CTNNA2: variants seen among roughly 807,000 people sequenced by gnomAD.
The protein encoded by CTNNA2 is catenin alpha 2.
A neutral mutation model predicts 101.0 loss-of-function variants in CTNNA2; 42 were observed. The observed-to-expected ratio is 0.42, with a 90% confidence interval of 0.32 to 0.54. The LOEUF (loss-of-function observed/expected upper bound fraction) is 0.54. Ranked by LOEUF, CTNNA2 falls within the 20% of genes least tolerant of loss-of-function variation. The pLI is 0.14. For synonymous variants in CTNNA2, 450 were observed against 456.4 expected (o/e 0.99, Z 0.18); for missense variants, 871 against 1,223.1 (o/e 0.71, Z 4.29).
intron 3 of CTNNA2, among the ~76,000 whole-genome samples, chr2:79,803,286 TAC>T (rs1402895862): frequency 6.6e-6 from 1 of 152,326 alleles, no homozygotes; most frequent in East Asian, 1.9e-4. Flanking sequence ...GGAATTAAGA[TAC>T]ACACACAGAA....
chr2:80,627,427 T>C (rs1671798593), intron 18 of CTNNA2, among the ~76,000 whole-genome samples: 1 of 152,202 alleles, frequency 6.6e-6, no homozygotes, highest in Admixed American at 6.5e-5. Flanking sequence ...TGTGAGATGG[T>C]ATCTCATTGT....
intron 4 of CTNNA2, among the ~76,000 whole-genome samples, chr2:79,423,258 A>G (rs1159698516): frequency 6.6e-6 from 1 of 152,174 alleles, no homozygotes; most frequent in Non-Finnish European, 1.5e-5. Context: ...AGATGAGTCC[A>G]ACCTTCCATC....
At chr2:79,990,053 A>C (rs1174058799) in intron 7 of CTNNA2, among the ~76,000 whole-genome samples, 1 of 152,150 alleles carries the variant, frequency 6.6e-6, no homozygotes, top group Non-Finnish European at 1.5e-5. Context: ...TGTGGGAAGA[A>C]ACAAAGAGTG....
chr2:79,534,531 G>T (rs1672937796), intron 1 of CTNNA2, among the ~76,000 whole-genome samples: 1 of 151,076 alleles, frequency 6.6e-6, no homozygotes, highest in South Asian at 2.1e-4. Context: ...CTTGTGAACA[G>T]TTTTTTTTTC....
intron 2 of CTNNA2, among the ~76,000 whole-genome samples, chr2:79,291,417 T>C (rs1385495510): frequency 6.6e-6 from 1 of 152,126 alleles, no homozygotes; most frequent in African/African-American, 2.4e-5. Flanking sequence ...TTATTTCTTA[T>C]CTCCTTCCTC....
At chr2:79,230,003 G>T (rs1674469134) in intron 2 of CTNNA2, among the ~76,000 whole-genome samples, 1 of 152,200 alleles carries the variant, frequency 6.6e-6, no homozygotes, top group Admixed American at 6.5e-5. Flanking sequence ...TGTAATTTGG[G>T]TGCTGTTAAA....
chr2:79,671,031 C>A lies in CTNNA2; in HGVS notation c.102+19373C>A, dbSNP rs79827881. On this transcript the variant is annotated intron_variant, in intron 2 of 18. Transcript: ENST00000402739. ...CTTTCTTCCTCACACCTCTAAGAAG[C>A]AAGAATGCGACTGTTAACTGCCTAC... 3.4e-3 allele frequency among the ~76,000 whole-genome samples: 523 copies of A among 152,242 alleles called. 9 individuals are homozygous for A. The East Asian group carries it at 0.047, about 14-fold the overall frequency.
chr2:80,232,056 C>A (rs1335180756), intron 7 of CTNNA2, among the ~76,000 whole-genome samples: 2 of 152,114 alleles, frequency 1.3e-5, no homozygotes, highest in South Asian at 2.1e-4. Context: ...CTCTTTCAAC[C>A]AATTGCAAAT....
At chr2:80,418,642 G>A (rs1281757925) in intron 8 of CTNNA2, among the ~76,000 whole-genome samples, 2 of 152,134 alleles carry the variant, frequency 1.3e-5, no homozygotes, top group African/African-American at 4.8e-5. Context: ...TCCTGGATAG[G>A]TATATTTGTT....
In CTNNA2 at chr2:79,874,464, A is replaced by G. The variant is rs1682849372; in HGVS notation, c.852+122A>G. 2.5e-6 allele frequency: 3 copies of G among 1,189,034 alleles called. No homozygotes were observed. In the East Asian group the frequency reaches 7.2e-5, roughly 29 times the overall value. 73.7% of individuals were successfully genotyped at this position (1,189,034 alleles called of 1,614,324 possible). On this transcript the variant is annotated intron_variant, in intron 6 of 18. Transcript: ENST00000402739. ...TGATTTTTCTCTTTTGGAGGTTTTA[A>G]TAGTAAGATAAACTACATAATGCAT...
chr2:79,247,737 C>T (rs555608148), intron 2 of CTNNA2, among the ~76,000 whole-genome samples: 26 of 152,006 alleles, frequency 1.7e-4, no homozygotes, highest in African/African-American at 6.0e-4. Context: ...CCAGGTGGGC[C>T]CAAAGGTGAA....
At chr2:80,441,347 A>G (rs916453594) in intron 9 of CTNNA2, among the ~76,000 whole-genome samples, 1 of 152,034 alleles carries the variant, frequency 6.6e-6, no homozygotes, top group Non-Finnish European at 1.5e-5. Flanking sequence ...GTAGTTCTTC[A>G]TTTTTCAGGA....
At chr2:80,454,289 G>T (rs550313247) in intron 9 of CTNNA2, among the ~76,000 whole-genome samples, 1 of 152,140 alleles carries the variant, frequency 6.6e-6, no homozygotes, top group Admixed American at 6.5e-5. Context: ...CTCATTGCAG[G>T]AAGAGCTTTC....
intron 7 of CTNNA2, among the ~76,000 whole-genome samples, chr2:80,018,308 C>G (rs1694291751): frequency 6.6e-6 from 1 of 152,066 alleles, no homozygotes; most frequent in Admixed American, 6.5e-5. Context: ...ATTAAAAAAG[C>G]CTGTTACTTT....
At chr2:79,762,337 C>G (rs902219199) in intron 3 of CTNNA2, among the ~76,000 whole-genome samples, 2 of 152,072 alleles carry the variant, frequency 1.3e-5, no homozygotes, top group Non-Finnish European at 2.9e-5. Context: ...AGGCAAGATA[C>G]GAGCATTTCA....
chr2:80,154,669 C>CT (rs1558858704), intron 7 of CTNNA2, among the ~76,000 whole-genome samples: 1 of 152,102 alleles, frequency 6.6e-6, no homozygotes, highest in African/African-American at 2.4e-5. Flanking sequence ...ATCCCAGTGG[C>CT]TTAATAACAC....
chr2:80,619,191 G>A lies in CTNNA2; in HGVS notation c.2537G>A (p.Gly846Glu). The A allele has an allele frequency of 1.9e-6, 3 of 1,587,036 alleles. No homozygotes were observed. Among genetic ancestry groups the A allele is most frequent in the Non-Finnish European group, 8.6e-7 (1 of 1,166,470 alleles). The change falls in exon 18 of 19, where the codon GGA becomes GAA. Residue 846 changes from glycine to glutamate, a missense_variant. By Grantham distance (98) the Gly-to-Glu change is moderately conservative (BLOSUM62 -2). Around this residue, in one of 5 missense-constraint regions of CTNNA2, gnomAD observed 65 missense variants for 53.3 expected, o/e 1.22. Coordinates refer to ENST00000402739, the MANE Select transcript of CTNNA2 (RefSeq NM_001282597.3). ...LSTHLPTCAE[G>E]APIGSGSSDS... Reference sequence around the variant, plus strand: ...ACCCACCTCCCAACCTGTGCTGAGGGAGCTCCGATCGGGAGTGGAAGCAGT... The same window carrying A: ...ACCCACCTCCCAACCTGTGCTGAGGAAGCTCCGATCGGGAGTGGAAGCAGT...
At chr2:79,468,483 C>T (rs576834576) in intron 4 of CTNNA2, among the ~76,000 whole-genome samples, 16 of 152,140 alleles carry the variant, frequency 1.1e-4, no homozygotes, top group African/African-American at 3.1e-4. Context: ...GACAGAAAGT[C>T]AACAAGGATA....
At chr2:80,218,070 G>C (rs552531113) in intron 7 of CTNNA2, among the ~76,000 whole-genome samples, 2 of 152,340 alleles carry the variant, frequency 1.3e-5, no homozygotes, top group South Asian at 2.1e-4. Flanking sequence ...CAATCAGCTA[G>C]AGGTTATTTA....
Sources: gnomAD v4.1 joint callset for allele counts (sites outside exome capture counted in the v4.1 genomes callset) on GRCh38, gnomAD v4.1.1 for gene constraint, gnomAD v4.1.1 regional missense constraint, MANE v1.5 for transcripts, NCBI Gene and HGNC (gene_info 2026-07-23, HGNC 2026-07-21) for gene names.